TRA2A: variants seen among roughly 807,000 people sequenced by gnomAD.
TRA2A encodes transformer-2 protein homolog alpha.
Under a neutral mutation model 45.7 loss-of-function variants are expected in TRA2A, and 31 were observed. The observed-to-expected ratio is 0.68, with a 90% CI of 0.51 to 0.92. The LOEUF is 0.92. Ranked by LOEUF, TRA2A falls within the 40% of genes least tolerant of loss-of-function variation. The probability of loss-of-function intolerance (pLI) is 0.00; values close to 1 mark genes in which losing one functional copy is unlikely to be tolerated. For missense variants in TRA2A, 304 were observed against 367.5 expected (o/e 0.83, Z 1.41); for synonymous variants, 132 against 126.2 (o/e 1.05, Z -0.31).
intron 2 of TRA2A, among the ~76,000 whole-genome samples, chr7:23,520,202 C>T (rs1312107875): frequency 1.3e-5 from 2 of 152,148 alleles, no homozygotes; most frequent in East Asian, 1.9e-4. Flanking sequence ...GGCAACAGAG[C>T]GAGACTCCAT....
At chr7:23,525,786 G>A (rs1395618735) in intron 1 of TRA2A, among the ~76,000 whole-genome samples, 1 of 152,114 alleles carries the variant, frequency 6.6e-6, no homozygotes, top group African/African-American at 2.4e-5. Context: ...AGTAGAGACG[G>A]GGTTTCACCA....
rs760718171 is a variant in TRA2A, at chr7:23,521,813, T to C, written c.64A>G (p.Thr22Ala). 4 of 1,614,160 alleles carry C rather than the reference T, an allele frequency of 2.5e-6. No individual in the cohort carries two copies. Among genetic ancestry groups the C allele is most frequent in the South Asian group, 1.1e-5 (1 of 91,082 alleles). Residue 22 changes from threonine (T) to alanine (A), a missense_variant, in exon 2 of 8, where the codon ACG (threonine) becomes GCG (alanine). Transcript: ENST00000297071. ...GATTTTACACGAGCAGGAGTTCCCG[T>C]TGGAGATTTTGACTGAGAGCGAGAC... Reference protein sequence around the residue: ...RESRSQSKSPTGTPARVKSES... With the variant: ...RESRSQSKSPAGTPARVKSES...
Position 23,509,957 on chromosome 7 carries a change from C to T in TRA2A, c.526-2422G>A, listed in dbSNP as rs528170589. ...GGGAAGATCACTTGAGCCTGGGAGGCGGAAGTTGCAGTGAGCTGAGATCGT... is the reference window on the plus strand; with the variant it reads ...GGGAAGATCACTTGAGCCTGGGAGGTGGAAGTTGCAGTGAGCTGAGATCGT... On this transcript the variant is annotated intron_variant, in intron 4 of 7. Transcript: ENST00000297071. Among the ~76,000 whole-genome samples, 23 of 152,220 alleles carry T rather than the reference C, an allele frequency of 1.5e-4. 1 individual carries two copies. Among genetic ancestry groups the T allele is most frequent in the Admixed American group, 9.8e-4 (15 of 15,270 alleles).
chr7:23,506,619 TAAATA>T (rs1789350176), intron 5 of TRA2A: 1 of 237,288 alleles, frequency 4.2e-6, no homozygotes, highest in Non-Finnish European at 8.0e-6. Context: ...GGTAAATAAA[TAAATA>T]AATGAATAAA....
chr7:23,506,694 A>C (rs943519963), intron 5 of TRA2A, among the ~76,000 whole-genome samples: 1 of 152,334 alleles, frequency 6.6e-6, no homozygotes. Flanking sequence ...AACTCTGGAC[A>C]CCAAAGAGAA....
chr7:23,505,755 A>C lies in TRA2A; in HGVS notation c.829T>G (p.Tyr277Asp). 6.4e-7 allele frequency: 1 copy of C among 1,554,484 alleles called. No homozygotes were observed. The highest frequency in any genetic ancestry group is 8.6e-7 in the Non-Finnish European group (1 of 1,156,210). ...RYRSRSRSRS[Y>D]SPRRY is the part of the protein sequence containing the mutation. ...AGTAAAGTTCACATACTTGGGCTGT[A>C]GGAACGAGATCTTGATCGTGATCTA... is the stretch of plus-strand genomic sequence containing the variant. Residue 277 changes from tyrosine to aspartate, a missense_variant, in exon 7 of 8, where the codon TAC becomes GAC. Around this residue, in one of 3 missense-constraint regions of TRA2A, gnomAD observed 42 missense variants for 37.0 expected, o/e 1.14. Coordinates refer to ENST00000297071, the MANE Select transcript of TRA2A (RefSeq NM_013293.5).
chr7:23,512,456 A>C (rs1365904061), intron 4 of TRA2A, among the ~76,000 whole-genome samples: 1 of 152,110 alleles, frequency 6.6e-6, no homozygotes, highest in Non-Finnish European at 1.5e-5. Context: ...CAAAATCAGC[A>C]AGATCCTATC....
intron 2 of TRA2A, among the ~76,000 whole-genome samples, chr7:23,516,876 G>A (rs150343603): frequency 0.016 from 2,480 of 152,064 alleles, 70 homozygotes; most frequent in African/African-American, 0.057. Flanking sequence ...TTGGGAGGCC[G>A]ACGCGAGCAG....
intron 4 of TRA2A, among the ~76,000 whole-genome samples, chr7:23,510,198 T>C (rs1440606021): frequency 6.6e-6 from 1 of 152,190 alleles, no homozygotes; most frequent in Non-Finnish European, 1.5e-5. Flanking sequence ...AAAGAGAAAC[T>C]GTGATTTAGC....
intron 2 of TRA2A, among the ~76,000 whole-genome samples, chr7:23,520,069 A>C (rs559035078): frequency 6.6e-6 from 1 of 152,284 alleles, no homozygotes; most frequent in African/African-American, 2.4e-5. Context: ...TCTACTAAAA[A>C]TACAAAAAAT....
Position 23,507,436 on chromosome 7 carries a change from T to C in TRA2A, c.625A>G (p.Met209Val). The C allele has an allele frequency of 6.2e-7, 1 of 1,614,024 alleles. No homozygotes were observed. Among genetic ancestry groups the C allele is most frequent in the Non-Finnish European group, 8.5e-7 (1 of 1,179,842 alleles). ...AACTCTTACTGAGTTGGTCTGCCCA[T>C]GTAGATGCCTGGTGTTGGTGTGTGC... ...RAHTPTPGIY[M>V]GRPTHSGGGG... is the part of the protein sequence containing the mutation. The change falls in exon 5 of 8, where the codon ATG (methionine) becomes GTG (valine). Residue 209 changes from methionine (M) to valine (V), a missense_variant. Physicochemically the swap from Met to Val is conservative, Grantham distance 21. Around this residue, in one of 3 missense-constraint regions of TRA2A, gnomAD observed 130 missense variants for 217.1 expected, o/e 0.60. Transcript: ENST00000297071.
At chr7:23,506,379 T>A (rs1380348106) in intron 5 of TRA2A, 113 bp from the exon 6 acceptor site, 2 of 1,301,392 alleles carry the variant, frequency 1.5e-6, no homozygotes, top group Non-Finnish European at 2.0e-6. Flanking sequence ...ATCCCTTTCA[T>A]GAGAAATTGC....
intron 1 of TRA2A, among the ~76,000 whole-genome samples, chr7:23,524,483 C>A (rs960336466): frequency 6.6e-6 from 1 of 151,722 alleles, no homozygotes; most frequent in Non-Finnish European, 1.5e-5. Context: ...CGCGCCCGGC[C>A]AACATCAGAT....
intron 1 of TRA2A, among the ~76,000 whole-genome samples, chr7:23,524,673 T>C (rs1443490697): frequency 1.4e-5 from 2 of 145,880 alleles, no homozygotes; most frequent in Admixed American, 7.2e-5. Flanking sequence ...AGCTACAAAG[T>C]TGTCACTATG....
At chr7:23,515,223 CTTTT>C (rs767953060) in intron 3 of TRA2A, among the ~76,000 whole-genome samples, 173 of 96,776 alleles carry the variant, frequency 1.8e-3, no homozygotes, top group African/African-American at 6.4e-3. Flanking sequence ...GAACATATTT[CTTTT>C]TTTTTTTTTT....
intron 2 of TRA2A, among the ~76,000 whole-genome samples, chr7:23,519,947 G>C (rs968565038): frequency 6.6e-6 from 1 of 152,214 alleles, no homozygotes; most frequent in South Asian, 2.1e-4. Context: ...AATTCTTCCA[G>C]CTGGGCGCAG....
At position 23,521,789 on chromosome 7, in the gene TRA2A, A is replaced by T; in HGVS notation, c.88T>A (p.Ser30Thr). The T allele has an allele frequency of 6.2e-7, 1 of 1,614,138 alleles. No homozygotes were observed. The highest frequency in any genetic ancestry group is 8.5e-7 in the Non-Finnish European group (1 of 1,180,032). ...CTACGAGATCCTGACCTGCTCTCCG[A>T]TTTTACACGAGCAGGAGTTCCCGTT... ...SPTGTPARVKSESRSGSRSPS... is the reference protein window; with the variant it reads ...SPTGTPARVKTESRSGSRSPS... Residue 30 changes from serine (S) to threonine (T), a missense_variant, in exon 2 of 8, where the codon TCG (serine) becomes ACG (threonine). By Grantham distance (58) the Ser-to-Thr change is moderately conservative. Around this residue, in one of 3 missense-constraint regions of TRA2A, gnomAD observed 132 missense variants for 113.4 expected, o/e 1.16. Transcript: ENST00000297071.
chr7:23,512,967 A>C lies in TRA2A; in HGVS notation c.452T>G (p.Val151Gly). ...AGATCGCCCAGTTCGCTGATCATAA[A>C]CCACATTGACACCACTCAATGGTCC... ...RYGPLSGVNVVYDQRTGRSRG... is the reference protein window; with the variant it reads ...RYGPLSGVNVGYDQRTGRSRG... The change falls in exon 4 of 8, where the codon GTT becomes GGT. Residue 151 changes from valine (V) to glycine (G), a missense_variant. Coordinates refer to ENST00000297071, the MANE Select transcript of TRA2A (RefSeq NM_013293.5). The C allele has an allele frequency of 6.2e-7, 1 of 1,614,056 alleles. No individual in the cohort carries two copies.
Position 23,516,457 on chromosome 7 carries a change from C to G in TRA2A, c.242G>C (p.Arg81Pro), listed in dbSNP as rs747099328. The G allele has an allele frequency of 2.5e-6, 4 of 1,614,214 alleles. No individual in the cohort carries two copies. The highest frequency in any genetic ancestry group is 3.4e-6 in the Non-Finnish European group (4 of 1,180,026). The change falls in exon 3 of 8, where the codon CGA (arginine) becomes CCA (proline). Residue 81 changes from arginine (R) to proline (P), a missense_variant. Transcript: ENST00000297071. ...TGGTGTATATGATCTACTTCGAGAT[C>G]GTCTCCTATGAGAGTGAGAGTGGGA... is the stretch of plus-strand genomic sequence containing the variant. ...SRSHSHSHRR[R>P]SRSRSYTPEY...
Sources: allele counts gnomAD v4.1 joint callset (sites outside exome capture counted in the v4.1 genomes callset), GRCh38; gene constraint gnomAD v4.1.1; regional missense constraint gnomAD v4.1.1; transcripts MANE v1.5; gene names NCBI Gene and HGNC (gene_info 2026-07-23, HGNC 2026-07-21).